The following GPR39 variants were observed in gnomAD, a reference collection of about 807,000 sequenced individuals.
GPR39 encodes zinc sensing receptor.
Under a neutral mutation model 18.4 loss-of-function variants are expected in GPR39, and 23 were observed. That is an observed-to-expected ratio of 1.25 (90% CI 0.90 to 1.77). The LOEUF (loss-of-function observed/expected upper bound fraction) is 1.77, where lower values mean the gene tolerates loss of function less well. Among genes scored for constraint, GPR39 ranks in the 40% most tolerant of loss-of-function variants. The pLI is 0.00. For missense variants in GPR39, 647 were observed against 602.4 expected (o/e 1.07, Z -0.78); for synonymous variants, 280 against 257.9 (o/e 1.09, Z -0.82).
chr2:132,523,074 C>T (rs545267216), intron 1 of GPR39, among the ~76,000 whole-genome samples: 41 of 152,326 alleles, frequency 2.7e-4, no homozygotes, highest in African/African-American at 9.9e-4. Context: ...CACTCCGAGC[C>T]ATCTTTACTC....
chr2:132,514,449 C>T (rs1409671635), intron 1 of GPR39, among the ~76,000 whole-genome samples: 13 of 152,322 alleles, frequency 8.5e-5, no homozygotes, highest in South Asian at 4.1e-4. Flanking sequence ...CAGGCTCCCC[C>T]GTGTTAAGCT....
intron 1 of GPR39, among the ~76,000 whole-genome samples, chr2:132,535,467 T>C (rs1679738636): frequency 6.6e-6 from 1 of 152,198 alleles, no homozygotes; most frequent in South Asian, 2.1e-4. Context: ...GTTTTGACAG[T>C]ATTTTATTGA....
intron 1 of GPR39, among the ~76,000 whole-genome samples, chr2:132,521,729 A>G (rs1438447327): frequency 6.6e-6 from 1 of 152,212 alleles, no homozygotes; most frequent in Non-Finnish European, 1.5e-5. Context: ...AAATTAGCCA[A>G]GATGACACTG....
At chr2:132,584,582 G>T (rs557625630) in intron 1 of GPR39, among the ~76,000 whole-genome samples, 1 of 151,926 alleles carries the variant, frequency 6.6e-6, no homozygotes, top group East Asian at 1.9e-4. Flanking sequence ...CCAAGGTTCT[G>T]TCTGAAAGGG....
intron 1 of GPR39, among the ~76,000 whole-genome samples, chr2:132,521,146 C>A (rs1421096971): frequency 6.6e-6 from 1 of 152,130 alleles, no homozygotes; most frequent in Non-Finnish European, 1.5e-5. Context: ...GATGAAGGGT[C>A]CAAGGCAAAA....
At chr2:132,516,257 A>G (rs560840950) in intron 1 of GPR39, among the ~76,000 whole-genome samples, 1 of 152,260 alleles carries the variant, frequency 6.6e-6, no homozygotes, top group South Asian at 2.1e-4. Context: ...GGAAGGTGGC[A>G]TGTTCTCTGG....
At chr2:132,599,065 G>T (rs1667557435) in intron 1 of GPR39, among the ~76,000 whole-genome samples, 1 of 152,140 alleles carries the variant, frequency 6.6e-6, no homozygotes, top group Non-Finnish European at 1.5e-5. Context: ...CTGTTTTCAT[G>T]CCTGTGTGAA....
intron 1 of GPR39, among the ~76,000 whole-genome samples, chr2:132,619,646 C>A (rs1425299230): frequency 1.3e-5 from 2 of 152,162 alleles, no homozygotes; most frequent in Non-Finnish European, 2.9e-5. Context: ...CCTGTCTAGG[C>A]ACAGCCTCCT....
chr2:132,572,875 A>G (rs1425954902), intron 1 of GPR39, among the ~76,000 whole-genome samples: 2 of 152,218 alleles, frequency 1.3e-5, no homozygotes, highest in African/African-American at 4.8e-5. Context: ...CATTTCAGCC[A>G]AGGAAATGAG....
chr2:132,468,657 G>C (rs1680974231), intron 1 of GPR39, among the ~76,000 whole-genome samples: 1 of 152,236 alleles, frequency 6.6e-6, no homozygotes, highest in South Asian at 2.1e-4. Flanking sequence ...ACAGAAAACA[G>C]AGGTGAATTT....
chr2:132,442,826 T>C (rs6430339), intron 1 of GPR39, among the ~76,000 whole-genome samples: 115,479 of 152,076 alleles, frequency 0.76, 44,104 homozygotes, highest in East Asian at 0.89. Context: ...TTGCACATGG[T>C]GACTGAGGAA....
chr2:132,489,457 G>C (rs1681414511), intron 1 of GPR39, among the ~76,000 whole-genome samples: 1 of 152,034 alleles, frequency 6.6e-6, no homozygotes, highest in Non-Finnish European at 1.5e-5. Flanking sequence ...AGGGTTCCCT[G>C]CGGGCCGCTC....
rs1290814273 is a variant in GPR39, at chr2:132,637,889, G to T, written c.857-7212G>T. ...GAACTGGCTTGAAGCTGACCCAATTGCCTTCTCAAGATGATCCGAATAAAT... is the reference window on the plus strand; with the variant it reads ...GAACTGGCTTGAAGCTGACCCAATTTCCTTCTCAAGATGATCCGAATAAAT... On this transcript the variant is annotated intron_variant, in intron 1 of 1. Transcript: ENST00000329321. 7.2e-4 allele frequency among the ~76,000 whole-genome samples: 109 copies of T among 152,088 alleles called. 1 individual carries two copies. Among genetic ancestry groups the T allele is most frequent in the Non-Finnish European group, 1.0e-4 (7 of 68,022 alleles).
At chr2:132,506,072 C>G (rs1334519160) in intron 1 of GPR39, among the ~76,000 whole-genome samples, 2 of 152,006 alleles carry the variant, frequency 1.3e-5, no homozygotes, top group African/African-American at 4.8e-5. Flanking sequence ...TATTTTTTGT[C>G]TTTTTAATAA....
chr2:132,620,432 C>T (rs1304073005), intron 1 of GPR39, among the ~76,000 whole-genome samples: 1 of 152,184 alleles, frequency 6.6e-6, no homozygotes, highest in African/African-American at 2.4e-5. Context: ...GTCACCCCTC[C>T]CATCTCAGTT....
intron 1 of GPR39, among the ~76,000 whole-genome samples, chr2:132,544,516 C>T (rs1558834098): frequency 6.6e-6 from 1 of 152,200 alleles, no homozygotes; most frequent in Non-Finnish European, 1.5e-5. Context: ...TGGAGACCCC[C>T]AGATGTCCAT....
intron 1 of GPR39, among the ~76,000 whole-genome samples, chr2:132,535,882 G>T (rs187681923): frequency 7.3e-5 from 11 of 151,468 alleles, no homozygotes; most frequent in African/African-American, 2.7e-4. Context: ...TCTGCTGGTA[G>T]TTTGTATTTC....
chr2:132,447,577 G>C (rs1361585533), intron 1 of GPR39, among the ~76,000 whole-genome samples: 1 of 152,140 alleles, frequency 6.6e-6, no homozygotes, highest in Non-Finnish European at 1.5e-5. Context: ...AACTGAACAT[G>C]TGTATTGGGT....
At chr2:132,535,855 A>T (rs1573653215) in intron 1 of GPR39, among the ~76,000 whole-genome samples, 1 of 150,580 alleles carries the variant, frequency 6.6e-6, no homozygotes, top group Non-Finnish European at 1.5e-5. Context: ...ATTTGTGTAG[A>T]GGTGTTTATG....
Sources: allele counts gnomAD v4.1 joint callset (sites outside exome capture counted in the v4.1 genomes callset), GRCh38; gene constraint gnomAD v4.1.1; transcripts MANE v1.5; gene names NCBI Gene and HGNC (gene_info 2026-07-23, HGNC 2026-07-21).